The following NRXN3 variants were observed in gnomAD, a reference collection of about 807,000 sequenced individuals.
NRXN3 encodes neurexin 3.
In NRXN3, 32 loss-of-function variants were observed where a neutral mutation model predicts 137.6. The ratio of observed to expected loss-of-function variants is 0.23; its 90% CI spans 0.18 to 0.31. The LOEUF is 0.31. Ranked by LOEUF, NRXN3 falls within the 10% of genes least tolerant of loss-of-function variation. The pLI, the probability that NRXN3 is intolerant of heterozygous loss-of-function variation, is 1.00. For missense variants in NRXN3, 1,574 were observed against 2,062.5 expected (o/e 0.76, Z 4.59); for synonymous variants, 798 against 784.5 (o/e 1.02, Z -0.29).
intron 19 of NRXN3, among the ~76,000 whole-genome samples, chr14:79,719,402 G>GTATATATATGTGTGTATACATATA (rs5741998): frequency 1.4e-5 from 2 of 142,280 alleles, no homozygotes; most frequent in African/African-American, 5.4e-5. Context: ...ATATATGTGT[G>GTATATATATGTGTGTATACATATA]TATATATATA....
chr14:78,869,709 C>T (rs1379405836), intron 10 of NRXN3, among the ~76,000 whole-genome samples: 1 of 152,156 alleles, frequency 6.6e-6, no homozygotes, highest in South Asian at 2.1e-4. Flanking sequence ...GCTCTTCCTT[C>T]ATCTCAAATA....
At chr14:78,807,650 G>T (rs903388143) in intron 9 of NRXN3, among the ~76,000 whole-genome samples, 4 of 149,422 alleles carry the variant, frequency 2.7e-5, no homozygotes, top group African/African-American at 9.9e-5. Context: ...CAGGAGAATC[G>T]CTTGAACACA....
rs539663213 is a variant in NRXN3 at position 79,377,719 on chromosome 14, G to A, written c.3263-89502G>A. On this transcript the variant is annotated intron_variant, in intron 15 of 20. Coordinates refer to ENST00000335750, the MANE Select transcript of NRXN3 (RefSeq NM_001330195.2). ...TGCAGTGAGCCAAGATAGTGCCACC[G>A]CACTCCAGCCTGGGCAACAGAGCTA... Among the ~76,000 whole-genome samples, 15 of 152,270 alleles carry A rather than the reference G, an allele frequency of 9.9e-5. No homozygotes were observed. The East Asian group carries it at 1.3e-3, about 14-fold the overall frequency.
chr14:78,742,584 T>C (rs529090158), intron 8 of NRXN3, among the ~76,000 whole-genome samples: 1 of 152,318 alleles, frequency 6.6e-6, no homozygotes, highest in East Asian at 1.9e-4. Context: ...TATAGAATGA[T>C]TCTTGGAACT....
At chr14:78,902,996 T>C (rs1394513763) in intron 10 of NRXN3, among the ~76,000 whole-genome samples, 3 of 151,886 alleles carry the variant, frequency 2.0e-5, no homozygotes, top group Non-Finnish European at 4.4e-5. Context: ...AGATAAAATG[T>C]TATTCTCTCT....
At chr14:78,893,512 C>T (rs1248587513) in intron 10 of NRXN3, among the ~76,000 whole-genome samples, 4 of 151,798 alleles carry the variant, frequency 2.6e-5, no homozygotes, top group Non-Finnish European at 4.4e-5. Flanking sequence ...GGGATTGAGT[C>T]GTGAAGACCA....
intron 3 of NRXN3, among the ~76,000 whole-genome samples, chr14:78,284,093 T>C (rs1325070411): frequency 6.6e-6 from 1 of 152,098 alleles, no homozygotes; most frequent in East Asian, 1.9e-4. Context: ...TAGCTATTAG[T>C]ATAAATGTGA....
rs540169312 is a variant in NRXN3 at position 79,183,234 on chromosome 14, C to T, written c.3262+195093C>T. On this transcript the variant is annotated intron_variant, in intron 15 of 20. Coordinates refer to ENST00000335750, the MANE Select transcript of NRXN3 (RefSeq NM_001330195.2). ...TGAAATTATTATCAAAACCTCATTG[C>T]TCTGCTTGAAGCAGTAGCTCTACTT... 2.0e-5 allele frequency among the ~76,000 whole-genome samples: 3 copies of T among 152,268 alleles called. No homozygotes were observed. In the South Asian group the frequency reaches 6.2e-4, roughly 32 times the overall value.
At chr14:78,746,325 T>A (rs1363559160) in intron 8 of NRXN3, among the ~76,000 whole-genome samples, 1 of 152,186 alleles carries the variant, frequency 6.6e-6, no homozygotes, top group Non-Finnish European at 1.5e-5. Flanking sequence ...GACTCAGCCA[T>A]ATCATGTTGG....
chr14:79,507,591 G>T (rs961637512), intron 16 of NRXN3, among the ~76,000 whole-genome samples: 7 of 152,108 alleles, frequency 4.6e-5, no homozygotes, highest in African/African-American at 1.7e-4. Context: ...GAGAAATGGG[G>T]ATTTCCAGTT....
At chr14:79,542,703 C>G (rs780851533) in intron 16 of NRXN3, among the ~76,000 whole-genome samples, 29 of 152,088 alleles carry the variant, frequency 1.9e-4, no homozygotes, top group South Asian at 4.1e-4. Context: ...AAATGTAATT[C>G]TCTTTAATGA....
intron 4 of NRXN3, among the ~76,000 whole-genome samples, chr14:78,593,921 G>A (rs2097138247): frequency 6.6e-6 from 1 of 152,128 alleles, no homozygotes; most frequent in Non-Finnish European, 1.5e-5. Context: ...GTATTCCAAC[G>A]ATGCTAGATT....
At chr14:78,679,946 G>C (rs1357841563) in intron 6 of NRXN3, among the ~76,000 whole-genome samples, 1 of 152,040 alleles carries the variant, frequency 6.6e-6, no homozygotes, top group African/African-American at 2.4e-5. Context: ...CAAATAGAAG[G>C]ATTTCTATTG....
intron 16 of NRXN3, among the ~76,000 whole-genome samples, chr14:79,588,228 C>G (rs2097776838): frequency 6.6e-6 from 1 of 152,218 alleles, no homozygotes; most frequent in Non-Finnish European, 1.5e-5. Context: ...TAATGCTGAA[C>G]TGTTATATAA....
intron 16 of NRXN3, among the ~76,000 whole-genome samples, chr14:79,601,276 C>T (rs1043790177): frequency 6.6e-6 from 1 of 152,022 alleles, no homozygotes; most frequent in African/African-American, 2.4e-5. Context: ...CTCCTGGCCT[C>T]GTGATCTGCC....
intron 4 of NRXN3, among the ~76,000 whole-genome samples, chr14:78,560,934 G>A (rs910500033): frequency 6.6e-6 from 1 of 152,196 alleles, no homozygotes; most frequent in Non-Finnish European, 1.5e-5. Flanking sequence ...TCTCAGGGAT[G>A]TTTTTCAGGA....
intron 20 of NRXN3, among the ~76,000 whole-genome samples, chr14:79,835,464 C>T (rs966399690): frequency 2.0e-5 from 3 of 152,152 alleles, no homozygotes; most frequent in Admixed American, 6.6e-5. Context: ...ATATTTCTCT[C>T]TAAATAGTTA....
At chr14:78,642,340 A>C (rs2097643891) in intron 4 of NRXN3, among the ~76,000 whole-genome samples, 1 of 152,192 alleles carries the variant, frequency 6.6e-6, no homozygotes, top group African/African-American at 2.4e-5. Flanking sequence ...TATAGCTCTA[A>C]AATTTATTAT....
intron 19 of NRXN3, among the ~76,000 whole-genome samples, chr14:79,712,468 C>T (rs570076391): frequency 3.0e-4 from 45 of 152,248 alleles, no homozygotes; most frequent in African/African-American, 7.5e-4. Flanking sequence ...TGACTTGTTC[C>T]ACAACTATTC....
Sources: allele counts gnomAD v4.1 joint callset (sites outside exome capture counted in the v4.1 genomes callset), GRCh38; gene constraint gnomAD v4.1.1; transcripts MANE v1.5; gene names NCBI Gene and HGNC (gene_info 2026-07-23, HGNC 2026-07-21).